CASK: variants seen among roughly 807,000 people sequenced by gnomAD.
CASK encodes calcium/calmodulin dependent serine protein kinase, also known as peripheral plasma membrane protein CASK.
A neutral mutation model predicts 82.9 loss-of-function variants in CASK; 4 were observed. That is an observed-to-expected ratio of 0.05 (90% CI 0.02 to 0.11). The LOEUF (loss-of-function observed/expected upper bound fraction) is 0.11. Ranked by LOEUF, CASK falls within the 10% of genes least tolerant of loss-of-function variation. CASK has a pLI of 1.00. For synonymous variants in CASK, 259 were observed against 253.5 expected (o/e 1.02, Z -0.20); for missense variants, 358 against 720.9 (o/e 0.50, Z 5.76).
At chrX:41,852,962 A>G in intron 2 of CASK, 153 bp downstream of exon 2, 1 of 463,253 alleles carries the variant, frequency 2.2e-6, no homozygotes. Context: ...GAATTCTGAC[A>G]AACTAGAATA....
At chrX:41,790,969 G>A (rs1379513331) in intron 2 of CASK, among the ~76,000 whole-genome samples, 2 of 111,547 alleles carry the variant, frequency 1.8e-5, no homozygotes, top group African/African-American at 6.5e-5. Context: ...TTGAAAGCAG[G>A]TGATGAAAAT....
chrX:41,553,661 G>T, intron 21 of CASK, 58 bp downstream of exon 21: 1 of 887,041 alleles, frequency 1.1e-6, no homozygotes, highest in Non-Finnish European at 1.6e-6. Flanking sequence ...ATTGGAAAAT[G>T]GATGGTCAGG....
At chrX:41,647,130 G>A (rs770791888) in intron 8 of CASK, among the ~76,000 whole-genome samples, 33 of 111,836 alleles carry the variant, frequency 3.0e-4, no homozygotes, top group South Asian at 3.7e-4. Flanking sequence ...ACAAGGCATC[G>A]ATCAAAAATT....
chrX:41,781,722 G>A (rs1171636473), intron 3 of CASK, among the ~76,000 whole-genome samples: 2 of 111,637 alleles, frequency 1.8e-5, no homozygotes, highest in Non-Finnish European at 3.8e-5. Context: ...CATTGGCTTT[G>A]TTTTTTGCTC....
chrX:41,517,830 GA>G lies in CASK; in HGVS notation c.*2589del, dbSNP rs1438392482. On this transcript the variant is annotated 3_prime_UTR_variant, in exon 27 of 27. Coordinates refer to ENST00000378163, the MANE Select transcript of CASK (RefSeq NM_001367721.1). ...GCAGCAGCAGCAGCAGCAATGTACT[GA>G]AATTACTCTGAATTCAGAAATGTAA... is the stretch of plus-strand genomic sequence containing the variant. The G allele has an allele frequency of 2.7e-6, 2 of 731,694 alleles. No homozygotes were observed. The highest frequency in any genetic ancestry group is 4.1e-6 in the Non-Finnish European group (2 of 493,656). The allele number at this position is 731,694 out of a possible 1,213,427, so 60.3% of individuals were successfully genotyped here.
At chrX:41,771,647 T>C (rs982202817) in intron 3 of CASK, among the ~76,000 whole-genome samples, 2 of 111,524 alleles carry the variant, frequency 1.8e-5, no homozygotes, top group African/African-American at 3.3e-5. Flanking sequence ...CGAAGCATAC[T>C]GTAATTTCTG....
chrX:41,662,776 G>A (rs2067057031), intron 7 of CASK, among the ~76,000 whole-genome samples: 1 of 110,428 alleles, frequency 9.1e-6, no homozygotes, highest in Non-Finnish European at 1.9e-5. Context: ...CTGGGTGACA[G>A]AGCAAGACTC....
chrX:41,621,647 G>A (rs1463502737), intron 11 of CASK, among the ~76,000 whole-genome samples: 4 of 111,891 alleles, frequency 3.6e-5, no homozygotes, highest in African/African-American at 1.3e-4. Flanking sequence ...CACAGGAACT[G>A]TGAGATGACA....
intron 8 of CASK, among the ~76,000 whole-genome samples, chrX:41,650,117 C>T (rs963923889): frequency 4.5e-5 from 5 of 110,944 alleles, no homozygotes; most frequent in African/African-American, 1.6e-4. Context: ...AGATCTTCCT[C>T]CATCCCTTTA....
At chrX:41,824,709 G>C (rs1309017663) in intron 2 of CASK, among the ~76,000 whole-genome samples, 1 of 111,640 alleles carries the variant, frequency 9.0e-6, no homozygotes, top group African/African-American at 3.3e-5. Context: ...CTGGACTCCA[G>C]AGGGCAGATT....
chrX:41,544,564 TA>T (rs752196101), intron 21 of CASK, among the ~76,000 whole-genome samples: 176 of 48,407 alleles, frequency 3.6e-3, no homozygotes, highest in Middle Eastern at 0.02. Context: ...AGACCTTGTC[TA>T]AAAAAAAAAA....
At chrX:41,662,655 G>A (rs1040022085) in intron 7 of CASK, among the ~76,000 whole-genome samples, 3 of 109,030 alleles carry the variant, frequency 2.8e-5, no homozygotes, top group Non-Finnish European at 5.7e-5. Flanking sequence ...GCTGGGTGTC[G>A]TGGTGCATGC....
chrX:41,809,551 A>T (rs1314527609), intron 2 of CASK, among the ~76,000 whole-genome samples: 2 of 112,352 alleles, frequency 1.8e-5, no homozygotes, highest in Non-Finnish European at 3.8e-5. Flanking sequence ...AGGAAAACTA[A>T]CAAACAGAAA....
intron 3 of CASK, among the ~76,000 whole-genome samples, chrX:41,770,745 A>G (rs2069230184): frequency 9.0e-6 from 1 of 111,654 alleles, no homozygotes; most frequent in African/African-American, 3.3e-5. Context: ...TGAAAAATAT[A>G]ATTAACATTT....
At chrX:41,916,386 T>C (rs756274583) in intron 1 of CASK, among the ~76,000 whole-genome samples, 2 of 111,800 alleles carry the variant, frequency 1.8e-5, no homozygotes, top group East Asian at 5.6e-4. Flanking sequence ...ACCAATACCA[T>C]AGTGGCTCCA....
chrX:41,732,509 A>G, intron 5 of CASK, among the ~76,000 whole-genome samples: 1 of 110,857 alleles, frequency 9.0e-6, no homozygotes. Context: ...GGGAGAACAG[A>G]GGGAACACTG....
At chrX:41,766,206 G>A (rs756578856) in intron 3 of CASK, among the ~76,000 whole-genome samples, 41 of 111,828 alleles carry the variant, frequency 3.7e-4, no homozygotes, top group African/African-American at 1.3e-3. Context: ...TTTTGATTGT[G>A]CATTCCTGTG....
At chrX:41,861,320 C>G (rs892279284) in intron 1 of CASK, among the ~76,000 whole-genome samples, 1 of 110,580 alleles carries the variant, frequency 9.0e-6, no homozygotes, top group African/African-American at 3.3e-5. Context: ...GACATCGATT[C>G]TAGGTCTTTG....
chrX:41,787,891 C>T (rs1027224568), intron 2 of CASK, among the ~76,000 whole-genome samples: 10 of 110,736 alleles, frequency 9.0e-5, no homozygotes, highest in African/African-American at 2.6e-4. Context: ...CGTGGTGGCT[C>T]GCACCTGTAA....
Sources: gnomAD v4.1 joint callset for allele counts (sites outside exome capture counted in the v4.1 genomes callset) on GRCh38, gnomAD v4.1.1 for gene constraint, MANE v1.5 for transcripts, NCBI Gene and HGNC (gene_info 2026-07-23, HGNC 2026-07-21) for gene names.